Variants in GOLGA6C observed in about 807,000 individuals in gnomAD.
GOLGA6C encodes golgin subfamily A member 6C.
A neutral mutation model predicts 57.5 loss-of-function variants in GOLGA6C; 3 were observed. The ratio of observed to expected loss-of-function variants is 0.05; its 90% CI spans 0.02 to 0.13. The LOEUF (loss-of-function observed/expected upper bound fraction) is 0.13. Among genes scored for constraint, GOLGA6C ranks in the 10% least tolerant of loss-of-function variants. The pLI is 1.00. For missense variants in GOLGA6C, 88 were observed against 525.6 expected (o/e 0.17, Z 8.14); for synonymous variants, 32 against 203.8 (o/e 0.16, Z 7.18).
chr15:75,260,759 G>A (rs1252987216), intron 2 of GOLGA6C, among the ~76,000 whole-genome samples: 5 of 143,154 alleles, frequency 3.5e-5, no homozygotes, highest in African/African-American at 7.9e-5. Context: ...CCCCTAGTAC[G>A]TGGCCTGCTG....
At position 75,270,529 on chromosome 15, in the gene GOLGA6C, T is replaced by C. The variant is rs2070784925; in HGVS notation, c.*330T>C. ...TAGGTCATTAGTATGCATATCGAGT[T>C]TGCCCTTAGGTGGTGGGAATTCAAA... On this transcript the variant is annotated 3_prime_UTR_variant, in exon 18 of 18. Transcript: ENST00000300576. 1.1e-5 allele frequency among the ~76,000 whole-genome samples: 1 copy of C among 90,736 alleles called. No individual in the cohort carries two copies. 59.5% of individuals were successfully genotyped at this position (90,736 alleles called of 152,430 possible). A position where few individuals can be genotyped will look rare whatever the true frequency, so the allele number is the denominator to read the frequency against.
intron 7 of GOLGA6C, among the ~76,000 whole-genome samples, chr15:75,264,653 AC>A (rs2070749118): frequency 8.5e-6 from 1 of 117,170 alleles, no homozygotes; most frequent in Admixed American, 9.1e-5. Flanking sequence ...CTGTGTCCCC[AC>A]CCCCAGCAAG....
chr15:75,260,461 C>T lies in GOLGA6C; in HGVS notation c.173C>T (p.Thr58Ile). 1 of 1,553,682 alleles carries T rather than the reference C, an allele frequency of 6.4e-7. No homozygotes were observed. The highest frequency in any genetic ancestry group is 2.3e-5 in the East Asian group (1 of 43,754). Reference sequence around the variant, plus strand: ...AAAACTGACAGTAGCCCTGAGACAACCACTTCCGGTGGTGGCCACTCACCT... The same window carrying T: ...AAAACTGACAGTAGCCCTGAGACAATCACTTCCGGTGGTGGCCACTCACCT... ...KKKTDSSPET[T>I]TSGGGHSPGD... The change falls in exon 2 of 18, where the codon ACC (threonine) becomes ATC (isoleucine). Residue 58 changes from threonine (T) to isoleucine (I), a missense_variant. Transcript: ENST00000300576.
chr15:75,259,147 C>T (rs1290794766), intron 1 of GOLGA6C, among the ~76,000 whole-genome samples: 26 of 152,182 alleles, frequency 1.7e-4, no homozygotes, highest in Admixed American at 3.9e-4. Flanking sequence ...TCTGGGCTGG[C>T]ACCTCCAAGG....
chr15:75,273,342 T>C lies in GOLGA6C; in HGVS notation c.*3143T>C, dbSNP rs1409214853. 2.0e-5 allele frequency among the ~76,000 whole-genome samples: 3 copies of C among 151,942 alleles called. No homozygotes were observed. The highest frequency in any genetic ancestry group is 4.4e-5 in the Non-Finnish European group (3 of 68,038). The stretch of plus-strand genomic sequence containing the variant: ...ATGACTTTTACCAGTTTATGAATTC[T>C]TGTAAACAGAATGTATAATAGAAAT... On this transcript the variant is annotated 3_prime_UTR_variant, in exon 18 of 18. Coordinates refer to ENST00000300576, the MANE Select transcript of GOLGA6C (RefSeq NM_001164404.2).
chr15:75,270,525 G>A lies in GOLGA6C; in HGVS notation c.*326G>A, dbSNP rs2070784904. Among the ~76,000 whole-genome samples, 4 of 92,436 alleles carry A rather than the reference G, an allele frequency of 4.3e-5. No individual in the cohort carries two copies. Among genetic ancestry groups the A allele is most frequent in the African/African-American group, 9.4e-5 (2 of 21,244 alleles). The allele number at this position is 92,436 out of a possible 152,430, so 60.6% of individuals were successfully genotyped here. A position where few individuals can be genotyped will look rare whatever the true frequency, so the allele number is the denominator to read the frequency against. ...ATTGTAGGTCATTAGTATGCATATC[G>A]AGTTTGCCCTTAGGTGGTGGGAATT... On this transcript the variant is annotated 3_prime_UTR_variant, in exon 18 of 18. Transcript: ENST00000300576.
chr15:75,270,119 G>T lies in GOLGA6C; in HGVS notation c.2002G>T (p.Ala668Ser). 1 of 1,600,486 alleles carries T rather than the reference G, an allele frequency of 6.2e-7. No individual in the cohort carries two copies. Among genetic ancestry groups the T allele is most frequent in the South Asian group, 1.1e-5 (1 of 89,916 alleles). The change falls in exon 18 of 18, where the codon GCG (alanine) becomes TCG (serine). Residue 668 changes from alanine (A) to serine (S), a missense_variant. Ala to Ser is a moderately conservative substitution (Grantham distance 99, BLOSUM62 1). Coordinates refer to ENST00000300576, the MANE Select transcript of GOLGA6C (RefSeq NM_001164404.2). ...LDNNVEPAPGAAREGSPHDNP... is the reference protein window; with the variant it reads ...LDNNVEPAPGSAREGSPHDNP... Reference sequence around the variant, plus strand: ...CAACAACGTGGAGCCTGCACCAGGAGCGGCCAGGGAGGGTTCTCCCCATGA... The same window carrying T: ...CAACAACGTGGAGCCTGCACCAGGATCGGCCAGGGAGGGTTCTCCCCATGA...
intron 2 of GOLGA6C, among the ~76,000 whole-genome samples, chr15:75,261,030 T>C (rs2070734742): frequency 5.5e-5 from 1 of 18,092 alleles, no homozygotes; most frequent in Non-Finnish European, 1.3e-4. Context: ...TGTAAGATGA[T>C]ACTGGATAAG....
At position 75,269,318 on chromosome 15, in the gene GOLGA6C, G is replaced by A. The variant is rs1231964535; in HGVS notation, c.1594-135G>A. Reference sequence around the variant, plus strand: ...GGGAGGACTGGAGATGAGTTTGTGTGTGGGGAGAGCTACCGGGCCCTGAAG... The same window carrying A: ...GGGAGGACTGGAGATGAGTTTGTGTATGGGGAGAGCTACCGGGCCCTGAAG... On this transcript the variant is annotated intron_variant, in intron 14 of 17. Coordinates refer to ENST00000300576, the MANE Select transcript of GOLGA6C (RefSeq NM_001164404.2). The A allele has an allele frequency of 2.4e-5, 14 of 589,642 alleles. 2 individuals carry two copies. The highest frequency in any genetic ancestry group is 4.3e-5 in the Non-Finnish European group (14 of 328,416). The allele number at this position is 589,642 out of a possible 1,614,324, so 36.5% of individuals were successfully genotyped here.
chr15:75,273,448 C>CAA lies in GOLGA6C; in HGVS notation c.*3251_*3252dup, dbSNP rs1172945328. 1.3e-5 allele frequency among the ~76,000 whole-genome samples: 2 copies of CAA among 152,216 alleles called. No homozygotes were observed. Among genetic ancestry groups the CAA allele is most frequent in the African/African-American group, 4.8e-5 (2 of 41,452 alleles). The stretch of plus-strand genomic sequence containing the variant: ...AATGTAATAAATTATTAAATTGTTG[C>CAA]AAAGTGCTGTTTTTGCCTTAAAATT... On this transcript the variant is annotated 3_prime_UTR_variant, in exon 18 of 18. Transcript: ENST00000300576.
At position 75,272,493 on chromosome 15, in the gene GOLGA6C, G is replaced by A. The variant is rs1275358031; in HGVS notation, c.*2294G>A. ...AATACATTGATAAATTATTTCAAAG[G>A]TATTTTTATAGTTCAAATCACTTCA... On this transcript the variant is annotated 3_prime_UTR_variant, in exon 18 of 18. Coordinates refer to ENST00000300576, the MANE Select transcript of GOLGA6C (RefSeq NM_001164404.2). Among the ~76,000 whole-genome samples the A allele has an allele frequency of 6.6e-6, 1 of 152,124 alleles. No homozygotes were observed. The highest frequency in any genetic ancestry group is 1.5e-5 in the Non-Finnish European group (1 of 68,056).
rs1202553749 is a variant in GOLGA6C, at chr15:75,261,811, CTTTTTT to C, written c.205-583_205-578del. ...AGAGCAGGCATGTGGGATTTGGGCT[CTTTTTT>C]TTTTTTTTTTTTTTTTTGAGACAGA... On this transcript the variant is annotated intron_variant, in intron 2 of 17. Transcript: ENST00000300576. Among the ~76,000 whole-genome samples the C allele has an allele frequency of 5.9e-4, 21 of 35,382 alleles. 1 individual carries two copies. Among genetic ancestry groups the C allele is most frequent in the South Asian group, 2.8e-3 (2 of 708 alleles). 23.2% of individuals were successfully genotyped at this position (35,382 alleles called of 152,430 possible).
At position 75,270,316 on chromosome 15, in the gene GOLGA6C, A is replaced by C. The variant is rs1389211762; in HGVS notation, c.*117A>C. On this transcript the variant is annotated 3_prime_UTR_variant, in exon 18 of 18. Coordinates refer to ENST00000300576, the MANE Select transcript of GOLGA6C (RefSeq NM_001164404.2). Reference sequence around the variant, plus strand: ...TGGTCAAGAAATTTAAAACAACAACAACAAAAAGTTACGGGGTTCATCTCC... The same window carrying C: ...TGGTCAAGAAATTTAAAACAACAACCACAAAAAGTTACGGGGTTCATCTCC... The C allele has an allele frequency of 6.7e-7, 1 of 1,491,032 alleles. No homozygotes were observed. The highest frequency in any genetic ancestry group is 8.9e-7 in the Non-Finnish European group (1 of 1,117,970). The allele number at this position is 1,491,032 out of a possible 1,614,324, so 92.4% of individuals were successfully genotyped here.
At chr15:75,259,081 C>A (rs1322285947) in intron 1 of GOLGA6C, among the ~76,000 whole-genome samples, 1 of 151,894 alleles carries the variant, frequency 6.6e-6, no homozygotes, top group Admixed American at 6.5e-5. Context: ...CCTGGGGTTC[C>A]CTGAGCAGAC....
Position 75,265,419 on chromosome 15 carries a change from G to A in GOLGA6C, c.754G>A (p.Val252Met), listed in dbSNP as rs1479310794. The A allele has an allele frequency of 6.4e-7, 1 of 1,572,858 alleles. No homozygotes were observed. Among genetic ancestry groups the A allele is most frequent in the Non-Finnish European group, 8.7e-7 (1 of 1,153,482 alleles). The change falls in exon 9 of 18, where the codon GTG becomes ATG. Residue 252 changes from valine (V) to methionine (M), a missense_variant. Physicochemically the swap from Val to Met is conservative, Grantham distance 21. Transcript: ENST00000300576. ...GCAGGAGAGGATGTGGAAAATGTCG[G>A]TGGAGGTGAGGTCTGACCCTTCAGC... ...RWQERMWKMS[V>M]EARTLKEEKK...
chr15:75,270,150 C>T lies in GOLGA6C; in HGVS notation c.2033C>T (p.Pro678Leu), dbSNP rs533699175. Residue 678 changes from proline (P) to leucine (L), a missense_variant, in exon 18 of 18, where the codon CCC becomes CTC. Pro to Leu is a moderately conservative substitution (Grantham distance 98). Transcript: ENST00000300576. ...AGGGAGGGTTCTCCCCATGACAACCCCCCGGTACAGCAGATCGTGCAGCTG... is the reference window on the plus strand; with the variant it reads ...AGGGAGGGTTCTCCCCATGACAACCTCCCGGTACAGCAGATCGTGCAGCTG... ...AAREGSPHDN[P>L]PVQQIVQLSP... 26 of 1,592,622 alleles carry T rather than the reference C, an allele frequency of 1.6e-5. 2 individuals carry two copies. The highest frequency in any genetic ancestry group is 2.4e-5 in the East Asian group (1 of 41,662).
chr15:75,270,305 A>T lies in GOLGA6C; in HGVS notation c.*106A>T. On this transcript the variant is annotated 3_prime_UTR_variant, in exon 18 of 18. Coordinates refer to ENST00000300576, the MANE Select transcript of GOLGA6C (RefSeq NM_001164404.2). ...CTTCTAAGAGCTGGTCAAGAAATTT[A>T]AAACAACAACAACAAAAAGTTACGG... 6.6e-7 allele frequency: 1 copy of T among 1,507,438 alleles called. No individual in the cohort carries two copies. Among genetic ancestry groups the T allele is most frequent in the East Asian group, 2.4e-5 (1 of 41,048 alleles). The allele number at this position is 1,507,438 out of a possible 1,614,324, so 93.4% of individuals were successfully genotyped here. A position where few individuals can be genotyped will look rare whatever the true frequency, so the allele number is the denominator to read the frequency against.
rs1233628670 is a variant in GOLGA6C at position 75,269,655 on chromosome 15, A to T, written c.1713A>T (p.Val571=). The part of the protein sequence containing the change: ...VTDGMRESFT[V]YESQGAVPNT... ...CTCTCACAGGAGAGTCCTTCACCGT[A>T]TATGAAAGCCAGGGGGCAGTGCCAA... Residue 571 remains valine, a synonymous_variant, in exon 16 of 18, where the codon GTA becomes GTT. Transcript: ENST00000300576. 1 of 595,954 alleles carries T rather than the reference A, an allele frequency of 1.7e-6. No homozygotes were observed. Among genetic ancestry groups the T allele is most frequent in the East Asian group, 2.9e-5 (1 of 34,444 alleles). The allele number at this position is 595,954 out of a possible 1,614,324, so 36.9% of individuals were successfully genotyped here. A position where few individuals can be genotyped will look rare whatever the true frequency, so the allele number is the denominator to read the frequency against.
rs1201014670 is a variant in GOLGA6C, at chr15:75,266,109, G to A, written c.852G>A (p.Glu284=). 2 of 1,433,380 alleles carry A rather than the reference G, an allele frequency of 1.4e-6. No individual in the cohort carries two copies. Among genetic ancestry groups the A allele is most frequent in the African/African-American group, 2.9e-5 (2 of 68,926 alleles). 88.8% of individuals were successfully genotyped at this position (1,433,380 alleles called of 1,614,324 possible). A position where few individuals can be genotyped will look rare whatever the true frequency, so the allele number is the denominator to read the frequency against. The change falls in exon 11 of 18, where the codon GAG becomes GAA. Residue 284 remains glutamate, a synonymous_variant. Coordinates refer to ENST00000300576, the MANE Select transcript of GOLGA6C (RefSeq NM_001164404.2). ...SLSELKNQMA[E]PPSLAPPAVT... The stretch of plus-strand genomic sequence containing the variant: ...ATTGTCTGCTTCATTTCTCAGCTGA[G>A]CCCCCATCCCTGGCACCCCCAGCAG...
Sources: allele counts gnomAD v4.1 joint callset (sites outside exome capture counted in the v4.1 genomes callset), GRCh38; gene constraint gnomAD v4.1.1; transcripts MANE v1.5; gene names NCBI Gene and HGNC (gene_info 2026-07-23, HGNC 2026-07-21).